Variants in FSTL5 observed in about 807,000 individuals in gnomAD.
FSTL5 encodes follistatin like 5.
Under a neutral mutation model 89.1 loss-of-function variants are expected in FSTL5, and 62 were observed. That is an observed-to-expected ratio of 0.70 (90% CI 0.57 to 0.86). FSTL5 has a LOEUF of 0.86. Ranked by LOEUF, FSTL5 falls within the 40% of genes least tolerant of loss-of-function variation. The pLI, the probability that FSTL5 is intolerant of heterozygous loss-of-function variation, is 0.00. For missense variants in FSTL5, 1,057 were observed against 1,001.6 expected (o/e 1.06, Z -0.75); for synonymous variants, 383 against 346.2 (o/e 1.11, Z -1.18).
chr4:161,560,725 C>T (rs563263095), intron 8 of FSTL5, among the ~76,000 whole-genome samples: 43 of 151,978 alleles, frequency 2.8e-4, no homozygotes, highest in South Asian at 6.2e-4. Flanking sequence ...TCCGCCTCCA[C>T]GTCTTGTCTC....
At chr4:161,625,059 T>A (rs1578976875) in intron 7 of FSTL5, among the ~76,000 whole-genome samples, 1 of 152,238 alleles carries the variant, frequency 6.6e-6, no homozygotes, top group Middle Eastern at 3.4e-3. Flanking sequence ...TAGTATACAG[T>A]ATTGTTCAAT....
intron 4 of FSTL5, among the ~76,000 whole-genome samples, chr4:161,820,510 T>C (rs1371874): frequency 0.69 from 105,307 of 152,016 alleles, 36,921 homozygotes; most frequent in Non-Finnish European, 0.75. Context: ...CATTTCTTTT[T>C]CTTCCTAGAT....
chr4:162,058,140 G>A (rs13121013), intron 2 of FSTL5, among the ~76,000 whole-genome samples: 35,542 of 151,882 alleles, frequency 0.23, 4,989 homozygotes, highest in Non-Finnish European at 0.32. Flanking sequence ...ATGGTTATAA[G>A]GGTGAGTGTG....
chr4:161,888,770 T>C lies in FSTL5; in HGVS notation c.409+31634A>G, dbSNP rs554940891. ...TCCTCATTTAATTACTTTAACCAAA[T>C]AATAATACCCAAAATATCATGACAG... On this transcript the variant is annotated intron_variant, in intron 4 of 15. Transcript: ENST00000306100. Among the ~76,000 whole-genome samples the C allele has an allele frequency of 1.2e-4, 18 of 152,162 alleles. No individual in the cohort carries two copies. In the South Asian group the frequency reaches 3.3e-3, roughly 28 times the overall value.
intron 7 of FSTL5, among the ~76,000 whole-genome samples, chr4:161,600,138 C>T (rs914246843): frequency 1.4e-5 from 2 of 141,872 alleles, no homozygotes; most frequent in African/African-American, 5.2e-5. Flanking sequence ...ATGAATGAAT[C>T]CCCAAGCACA....
chr4:161,717,914 A>T (rs979994074), intron 6 of FSTL5, among the ~76,000 whole-genome samples: 2 of 152,158 alleles, frequency 1.3e-5, no homozygotes, highest in African/African-American at 4.8e-5. Context: ...CACATATTTG[A>T]TAATGCAACA....
intron 15 of FSTL5, among the ~76,000 whole-genome samples, chr4:161,417,884 A>G (rs535557318): frequency 6.6e-6 from 1 of 152,336 alleles, no homozygotes; most frequent in South Asian, 2.1e-4. Flanking sequence ...TCCATTGGAA[A>G]ATGAACAATT....
intron 3 of FSTL5, among the ~76,000 whole-genome samples, chr4:161,976,396 C>G (rs984677699): frequency 6.6e-5 from 10 of 152,154 alleles, no homozygotes; most frequent in African/African-American, 2.4e-4. Flanking sequence ...AATTCATCAT[C>G]ATCAAAATTT....
At chr4:161,766,693 G>A (rs1023286971) in intron 5 of FSTL5, among the ~76,000 whole-genome samples, 8 of 151,982 alleles carry the variant, frequency 5.3e-5, no homozygotes, top group Admixed American at 1.3e-4. Flanking sequence ...AAAATTATTC[G>A]TTCAGTAATT....
chr4:161,914,189 T>C (rs778194065), intron 4 of FSTL5, among the ~76,000 whole-genome samples: 4 of 152,182 alleles, frequency 2.6e-5, no homozygotes, highest in Non-Finnish European at 5.9e-5. Flanking sequence ...TATGTCACTT[T>C]TGACTATTGT....
chr4:161,624,550 T>C (rs10517748), intron 7 of FSTL5, among the ~76,000 whole-genome samples: 30,748 of 151,136 alleles, frequency 0.2, 3,888 homozygotes, highest in Non-Finnish European at 0.26. Context: ...AGATTATAGG[T>C]GTACATTTTT....
intron 8 of FSTL5, among the ~76,000 whole-genome samples, chr4:161,575,794 C>T (rs566738137): frequency 6.6e-6 from 1 of 152,130 alleles, no homozygotes; most frequent in South Asian, 2.1e-4. Flanking sequence ...TTGGGTTTCA[C>T]ATTTAAGTCT....
At chr4:162,125,685 T>C (rs1732050923) in intron 1 of FSTL5, among the ~76,000 whole-genome samples, 1 of 152,088 alleles carries the variant, frequency 6.6e-6, no homozygotes, top group Non-Finnish European at 1.5e-5. Flanking sequence ...TCAGACATTG[T>C]AATTCATATT....
At chr4:162,127,396 CA>C (rs1351980266) in intron 1 of FSTL5, among the ~76,000 whole-genome samples, 20 of 152,186 alleles carry the variant, frequency 1.3e-4, no homozygotes, top group Non-Finnish European at 2.1e-4. Context: ...GAGGCATGCT[CA>C]CACTATAATT....
intron 10 of FSTL5, among the ~76,000 whole-genome samples, chr4:161,516,724 T>TACAC (rs35139981): frequency 0.031 from 3,894 of 127,282 alleles, 189 homozygotes; most frequent in Middle Eastern, 0.068. Context: ...TATATATATG[T>TACAC]ACACACACAC....
At chr4:162,039,847 T>G (rs543450261) in intron 2 of FSTL5, among the ~76,000 whole-genome samples, 46 of 152,122 alleles carry the variant, frequency 3.0e-4, no homozygotes, top group Admixed American at 5.2e-4. Context: ...AAAGTAATAT[T>G]TCTATCAATC....
intron 2 of FSTL5, among the ~76,000 whole-genome samples, chr4:162,053,218 T>G (rs992123249): frequency 1.3e-5 from 2 of 151,904 alleles, no homozygotes; most frequent in Admixed American, 6.6e-5. Flanking sequence ...ACTTGTGCTC[T>G]AGGTAAAGGA....
chr4:161,797,954 A>G (rs1729683453), intron 4 of FSTL5, among the ~76,000 whole-genome samples: 1 of 151,654 alleles, frequency 6.6e-6, no homozygotes, highest in South Asian at 2.1e-4. Context: ...CAAGCAAAAC[A>G]TTTACATCAT....
intron 4 of FSTL5, among the ~76,000 whole-genome samples, chr4:161,791,990 C>T (rs768357121): frequency 6.6e-6 from 1 of 152,142 alleles, no homozygotes; most frequent in Non-Finnish European, 1.5e-5. Flanking sequence ...CGGTTGGATG[C>T]CCCGCACTGC....
Sources: gnomAD v4.1 joint callset for allele counts (sites outside exome capture counted in the v4.1 genomes callset) on GRCh38, gnomAD v4.1.1 for gene constraint, MANE v1.5 for transcripts, NCBI Gene and HGNC (gene_info 2026-07-23, HGNC 2026-07-21) for gene names.